SULT6B1: variants seen among roughly 807,000 people sequenced by gnomAD.
SULT6B1 encodes sulfotransferase 6B1.
SULT6B1 carries 44 observed loss-of-function variants against 37.2 expected under a neutral mutation model. The observed-to-expected ratio is 1.18, with a 90% CI of 0.93 to 1.52. The LOEUF (loss-of-function observed/expected upper bound fraction) is 1.52. Ranked by LOEUF, SULT6B1 falls within the 40% of genes most tolerant of loss-of-function variation. SULT6B1 has a pLI of 0.00. For synonymous variants in SULT6B1, 140 were observed against 126.0 expected (o/e 1.11, Z -0.74); for missense variants, 450 against 361.0 (o/e 1.25, Z -2.00).
intron 5 of SULT6B1, among the ~76,000 whole-genome samples, chr2:37,171,829 T>A (rs969942886): frequency 8.5e-5 from 13 of 152,172 alleles, no homozygotes; most frequent in African/African-American, 2.7e-4. Flanking sequence ...TACCAGATAA[T>A]AGTTTTTAGC....
chr2:37,188,706 T>C (rs1676725535), upstream of SULT6B1: 1 of 623,410 alleles, frequency 1.6e-6, no homozygotes, highest in African/African-American at 1.8e-5. Context: ...TTAATGGAGT[T>C]GGGCAGGGGC....
rs746583217 is a variant in SULT6B1 at position 37,179,471 on chromosome 2, G to A, written c.516C>T (p.Phe172=). The A allele has an allele frequency of 6.2e-7, 1 of 1,613,680 alleles. No individual in the cohort carries two copies. Among genetic ancestry groups the A allele is most frequent in the Non-Finnish European group, 8.5e-7 (1 of 1,179,956 alleles). Residue 172 remains phenylalanine (F), a synonymous_variant, in exon 4 of 7, where the codon TTC becomes TTT. Coordinates refer to ENST00000535679, the MANE Select transcript of SULT6B1 (RefSeq NM_001367551.1). Reference sequence around the variant, plus strand: ...CAACAGCCATACCTTGTCCTTTCATGAACTGTCTGAAGAATTCATCCCAAG... The same window carrying A: ...CAACAGCCATACCTTGTCCTTTCATAAACTGTCTGAAGAATTCATCCCAAG... ...YGSWDEFFRQ[F]MKGQVSWGRY...
chr2:37,194,835 CTTCT>C (rs1178410547), intron 1 of SULT6B1: 3 of 151,306 alleles, frequency 2.0e-5, no homozygotes, highest in Non-Finnish European at 2.9e-5. Flanking sequence ...ATGACCTTTT[CTTCT>C]TTCTCCTTCC....
Position 37,188,552 on chromosome 2 carries a change from T to C in SULT6B1, c.89A>G (p.Tyr30Cys). The change falls in exon 1 of 7, where the codon TAT (tyrosine) becomes TGT (cysteine). Residue 30 changes from tyrosine to cysteine, a missense_variant. Coordinates refer to ENST00000535679, the MANE Select transcript of SULT6B1 (RefSeq NM_001367551.1). ...GGTGATGGGGTAAGGAATCCCCTGA[T>C]AGGTGAAAAATAAATGAGAGAGTGC... Reference protein sequence around the residue: ...ETALSHLFFTYQGIPYPITMC... With the variant: ...ETALSHLFFTCQGIPYPITMC... 1.2e-6 allele frequency: 2 copies of C among 1,611,746 alleles called. No individual in the cohort carries two copies. The highest frequency in any genetic ancestry group is 2.7e-5 in the African/African-American group (2 of 75,000).
At chr2:37,189,225 A>C (rs1379811627), upstream of SULT6B1, among the ~76,000 whole-genome samples, 1 of 152,208 alleles carries the variant, frequency 6.6e-6, no homozygotes, top group Non-Finnish European at 1.5e-5. Context: ...GCTAATGATA[A>C]TATATCTCTA....
intron 6 of SULT6B1, among the ~76,000 whole-genome samples, chr2:37,168,878 G>C (rs986593664): frequency 2.6e-5 from 4 of 152,098 alleles, no homozygotes; most frequent in Non-Finnish European, 4.4e-5. Flanking sequence ...ATATTGCATA[G>C]CTGTTGAAAT....
At chr2:37,185,738 CAGAG>C (rs1676660393) in intron 2 of SULT6B1, among the ~76,000 whole-genome samples, 1 of 109,000 alleles carries the variant, frequency 9.2e-6, no homozygotes, top group Non-Finnish European at 2.0e-5. Flanking sequence ...AAAAAAAAAA[CAGAG>C]AGAGAGAAAT....
intron 4 of SULT6B1, among the ~76,000 whole-genome samples, chr2:37,175,863 A>G (rs941734768): frequency 6.6e-6 from 1 of 152,250 alleles, no homozygotes; most frequent in Non-Finnish European, 1.5e-5. Flanking sequence ...ATGTATATTT[A>G]GATTTAATAA....
At chr2:37,176,472 C>T (rs895983502) in intron 4 of SULT6B1, among the ~76,000 whole-genome samples, 10 of 151,946 alleles carry the variant, frequency 6.6e-5, no homozygotes, top group African/African-American at 2.2e-4. Flanking sequence ...ATTGGTCAGG[C>T]TGGTCTTGAA....
At chr2:37,179,994 G>C (rs1676515754) in intron 3 of SULT6B1, among the ~76,000 whole-genome samples, 1 of 152,218 alleles carries the variant, frequency 6.6e-6, no homozygotes, top group Non-Finnish European at 1.5e-5. Flanking sequence ...GAATGGCAAA[G>C]CCCACTCTCT....
Position 37,171,605 on chromosome 2 carries a change from T to G in SULT6B1, c.625-15A>C. 1.2e-6 allele frequency: 2 copies of G among 1,609,072 alleles called. No homozygotes were observed. The highest frequency in any genetic ancestry group is 1.1e-5 in the South Asian group (1 of 90,228). The stretch of plus-strand genomic sequence containing the variant: ...GCAGCCAGATTCTGTAAAAAAATTT[T>G]CTTAAAGATAAATTTCTTCCTATGG... On this transcript the variant is annotated splice_polypyrimidine_tract_variant and intron_variant, in intron 5 of 6. Coordinates refer to ENST00000535679, the MANE Select transcript of SULT6B1 (RefSeq NM_001367551.1).
intron 2 of SULT6B1, among the ~76,000 whole-genome samples, chr2:37,185,997 C>A (rs1321439377): frequency 6.6e-6 from 1 of 152,106 alleles, no homozygotes; most frequent in African/African-American, 2.4e-5. Flanking sequence ...CCAACCAAAT[C>A]CAGGGCTCGG....
chr2:37,193,597 AAAGAAGAAGAAGAAGAAGAAGAAGAAG>A (rs70949740), upstream of SULT6B1, among the ~76,000 whole-genome samples: 8 of 113,796 alleles, frequency 7.0e-5, no homozygotes, highest in South Asian at 6.0e-4. Context: ...AGAAGAAGAA[AAAGAAGAAGAAGAAGAAGAAGAAGAAG>A]AAGAAGAAGA....
At chr2:37,193,240 G>A (rs567572462), upstream of SULT6B1, among the ~76,000 whole-genome samples, 6 of 150,400 alleles carry the variant, frequency 4.0e-5, no homozygotes, top group South Asian at 1.3e-3. Context: ...CGGATTGCTT[G>A]AGCTCAGGAG....
intron 2 of SULT6B1, among the ~76,000 whole-genome samples, chr2:37,183,820 T>G (rs4670673): frequency 0.27 from 41,560 of 151,948 alleles, 6,794 homozygotes; most frequent in East Asian, 0.79. Flanking sequence ...ATTTTTGTAT[T>G]TTTAGTAGAG....
At chr2:37,179,225 T>C (rs529103233) in intron 4 of SULT6B1, among the ~76,000 whole-genome samples, 5 of 152,344 alleles carry the variant, frequency 3.3e-5, no homozygotes, top group Admixed American at 2.6e-4. Context: ...CCCAAAGTGC[T>C]GGGATTACAG....
upstream of SULT6B1, among the ~76,000 whole-genome samples, chr2:37,189,625 T>C (rs1676742393): frequency 6.6e-6 from 1 of 152,168 alleles, no homozygotes; most frequent in African/African-American, 2.4e-5. Flanking sequence ...CACATGCCCA[T>C]CTGAGGCTTT....
intron 6 of SULT6B1, 135 bp from the exon 7 acceptor site, chr2:37,168,200 G>T: frequency 2.3e-6 from 2 of 865,162 alleles, no homozygotes; most frequent in East Asian, 3.6e-5. Context: ...TCTTTATTTA[G>T]TTTTTTTCAG....
chr2:37,172,704 C>T (rs963635843), intron 5 of SULT6B1, among the ~76,000 whole-genome samples: 3 of 151,992 alleles, frequency 2.0e-5, no homozygotes, highest in Non-Finnish European at 1.5e-5. Flanking sequence ...AACAGGGTTT[C>T]ACCATGTTGG....
Sources: allele counts gnomAD v4.1 joint callset (sites outside exome capture counted in the v4.1 genomes callset), GRCh38; gene constraint gnomAD v4.1.1; transcripts MANE v1.5; gene names NCBI Gene and HGNC (gene_info 2026-07-23, HGNC 2026-07-21).